TMPRSS11F: variants seen among roughly 807,000 people sequenced by gnomAD.
TMPRSS11F encodes the protein transmembrane serine protease 11F.
In TMPRSS11F, 47 loss-of-function variants were observed where a neutral mutation model predicts 60.2. The ratio of observed to expected loss-of-function variants is 0.78; its 90% confidence interval spans 0.62 to 1.00. The LOEUF is 1.00. TMPRSS11F is among the 50% of genes least tolerant of loss of function. The probability of loss-of-function intolerance (pLI) is 0.00; values close to 1 mark genes in which losing one functional copy is unlikely to be tolerated. For synonymous variants in TMPRSS11F, 166 were observed against 167.3 expected (o/e 0.99, Z 0.06); for missense variants, 519 against 522.9 (o/e 0.99, Z 0.07).
chr4:68,113,892 C>T (rs1724460348), intron 1 of TMPRSS11F, among the ~76,000 whole-genome samples: 1 of 152,008 alleles, frequency 6.6e-6, no homozygotes, highest in Non-Finnish European at 1.5e-5. Context: ...CATAAACACA[C>T]CTCAACAAAT....
chr4:68,121,660 T>G (rs1338624481), intron 1 of TMPRSS11F, among the ~76,000 whole-genome samples: 4 of 152,232 alleles, frequency 2.6e-5, no homozygotes, highest in Non-Finnish European at 5.9e-5. Context: ...TGTTCTTCAC[T>G]TAGCTTCCTG....
chr4:68,108,137 G>A (rs1724339422), intron 1 of TMPRSS11F, among the ~76,000 whole-genome samples: 1 of 152,164 alleles, frequency 6.6e-6, no homozygotes, highest in African/African-American at 2.4e-5. Context: ...TGCTAGCAAC[G>A]AGGAAATCAG....
At chr4:68,099,208 C>A (rs192952490) in intron 1 of TMPRSS11F, among the ~76,000 whole-genome samples, 170 bp from the exon 2 acceptor site, 1 of 152,128 alleles carries the variant, frequency 6.6e-6, no homozygotes, top group African/African-American at 2.4e-5. Flanking sequence ...CCCGCAAAAA[C>A]CCAATCACAG....
chr4:68,088,600 G>T (rs1036865061), intron 3 of TMPRSS11F, among the ~76,000 whole-genome samples: 1 of 151,922 alleles, frequency 6.6e-6, no homozygotes, highest in Non-Finnish European at 1.5e-5. Flanking sequence ...ATTTTTTTCA[G>T]CACCACACCA....
intron 8 of TMPRSS11F, among the ~76,000 whole-genome samples, chr4:68,064,208 G>A (rs1723272083): frequency 6.8e-6 from 1 of 146,020 alleles, no homozygotes; most frequent in African/African-American, 2.5e-5. Context: ...TTTTGGAGAC[G>A]GAGTCTAGCT....
chr4:68,098,858 G>C (rs1724132096), intron 2 of TMPRSS11F, 29 bp downstream of exon 2: 2 of 1,587,172 alleles, frequency 1.3e-6, no homozygotes, highest in Admixed American at 1.8e-5. Context: ...GGAGTACTTA[G>C]GCAATGGAAC....
At chr4:68,120,420 G>T (rs1337879927) in intron 1 of TMPRSS11F, among the ~76,000 whole-genome samples, 2 of 140,476 alleles carry the variant, frequency 1.4e-5, no homozygotes, top group Admixed American at 7.1e-5. Context: ...ACGGAGTCTC[G>T]CTCTGTCGCC....
intron 7 of TMPRSS11F, among the ~76,000 whole-genome samples, chr4:68,065,777 A>C (rs1291071786): frequency 6.6e-6 from 1 of 151,732 alleles, no homozygotes; most frequent in Admixed American, 6.6e-5. Context: ...TAAAAAAAAA[A>C]AACCTGAAAG....
rs770470965 is a variant in TMPRSS11F at position 68,069,955 on chromosome 4, G to T, written c.553+14C>A. The T allele has an allele frequency of 1.3e-6, 2 of 1,591,872 alleles. No homozygotes were observed. The highest frequency in any genetic ancestry group is 2.3e-5 in the South Asian group (2 of 87,790). ...CTGTGAAATAAACAGTTAATTGTGG[G>T]TTTTGGAACTTACGACTGTTGAGAA... On this transcript the variant is annotated intron_variant, in intron 6 of 9. Coordinates refer to ENST00000356291, the MANE Select transcript of TMPRSS11F (RefSeq NM_207407.2).
intron 1 of TMPRSS11F, among the ~76,000 whole-genome samples, chr4:68,118,386 C>A (rs1426867446): frequency 6.6e-6 from 1 of 152,012 alleles, no homozygotes; most frequent in African/African-American, 2.4e-5. Context: ...TATTATAACA[C>A]AATTTTGGAT....
intron 9 of TMPRSS11F, among the ~76,000 whole-genome samples, chr4:68,056,959 T>G (rs142405108): frequency 1.3e-5 from 2 of 152,196 alleles, no homozygotes; most frequent in East Asian, 1.9e-4. Flanking sequence ...ATTCAATAAA[T>G]GGTGCTGGGA....
At chr4:68,107,634 T>C (rs919509156) in intron 1 of TMPRSS11F, among the ~76,000 whole-genome samples, 7 of 151,968 alleles carry the variant, frequency 4.6e-5, no homozygotes, top group African/African-American at 1.7e-4. Flanking sequence ...GGGTCAGAGA[T>C]CATTATAGAC....
intron 1 of TMPRSS11F, among the ~76,000 whole-genome samples, chr4:68,116,547 G>A (rs1724523456): frequency 6.6e-6 from 1 of 152,080 alleles, no homozygotes; most frequent in South Asian, 2.1e-4. Context: ...GCAATTTTGA[G>A]CAAGAACAAC....
chr4:68,060,975 T>G (rs528896499), intron 8 of TMPRSS11F, among the ~76,000 whole-genome samples: 2 of 152,114 alleles, frequency 1.3e-5, no homozygotes, highest in South Asian at 4.1e-4. Flanking sequence ...TGCTTTTTAG[T>G]AACTGGTAAA....
At chr4:68,077,643 C>T (rs1723612598) in intron 3 of TMPRSS11F, 1 of 152,226 alleles carries the variant, frequency 6.6e-6, no homozygotes, top group South Asian at 2.1e-4. Flanking sequence ...ATGGTCCCCA[C>T]ACATTTTAGG....
chr4:68,086,383 G>A (rs969752099), intron 3 of TMPRSS11F, among the ~76,000 whole-genome samples: 41 of 152,146 alleles, frequency 2.7e-4, no homozygotes, highest in African/African-American at 3.6e-4. Context: ...GCAGTGTTAA[G>A]AGGAACGTCT....
intron 9 of TMPRSS11F, among the ~76,000 whole-genome samples, chr4:68,056,759 C>T (rs2109825186): frequency 6.6e-6 from 1 of 152,102 alleles, no homozygotes; most frequent in East Asian, 1.9e-4. Context: ...AACAGAGCTA[C>T]AGGCCTTATA....
At chr4:68,101,370 T>G (rs1163749855) in intron 1 of TMPRSS11F, among the ~76,000 whole-genome samples, 2 of 152,158 alleles carry the variant, frequency 1.3e-5, no homozygotes, top group Non-Finnish European at 2.9e-5. Flanking sequence ...AAGGTCATAA[T>G]AAAATAACAA....
chr4:68,056,627 T>C (rs889808289), intron 9 of TMPRSS11F, among the ~76,000 whole-genome samples: 7 of 150,958 alleles, frequency 4.6e-5, no homozygotes, highest in African/African-American at 1.5e-4. Context: ...ATTATCATTG[T>C]TAAAATGCAA....
Sources: allele counts gnomAD v4.1 joint callset (sites outside exome capture counted in the v4.1 genomes callset), GRCh38; gene constraint gnomAD v4.1.1; transcripts MANE v1.5; gene names NCBI Gene and HGNC (gene_info 2026-07-23, HGNC 2026-07-21).